Variants in ATP9B observed in about 807,000 individuals in gnomAD.
The protein encoded by ATP9B is probable phospholipid-transporting ATPase IIB.
Under a neutral mutation model 146.1 loss-of-function variants are expected in ATP9B, and 110 were observed. The observed-to-expected ratio is 0.75, with a 90% CI of 0.65 to 0.88. The LOEUF (loss-of-function observed/expected upper bound fraction) is 0.88, where lower values mean the gene tolerates loss of function less well. ATP9B is among the 40% of genes least tolerant of loss of function. The pLI is 0.00. For missense variants in ATP9B, 1,499 were observed against 1,496.4 expected, an observed-to-expected ratio of 1.00 and a Z score of -0.03; for synonymous variants, 604 against 569.7, an observed-to-expected ratio of 1.06 and a Z score of -0.86.
At chr18:79,246,792 A>C (rs2095971420) in intron 11 of ATP9B, among the ~76,000 whole-genome samples, 1 of 152,156 alleles carries the variant, frequency 6.6e-6, no homozygotes, top group South Asian at 2.1e-4. Context: ...GAGACAGATG[A>C]CTCTGAGACA....
At chr18:79,203,744 T>A (rs12968701) in intron 9 of ATP9B, among the ~76,000 whole-genome samples, 57,994 of 152,050 alleles carry the variant, frequency 0.38, 11,620 homozygotes, top group Middle Eastern at 0.57. Flanking sequence ...ATGCCAACTG[T>A]ATGCTCAATT....
At chr18:79,230,328 T>C (rs1177316679) in intron 11 of ATP9B, among the ~76,000 whole-genome samples, 1 of 152,028 alleles carries the variant, frequency 6.6e-6, no homozygotes, top group Non-Finnish European at 1.5e-5. Context: ...TAAAGACTCA[T>C]CCAAAAAGCT....
At chr18:79,273,739 A>T (rs1331971708) in intron 12 of ATP9B, among the ~76,000 whole-genome samples, 1 of 152,212 alleles carries the variant, frequency 6.6e-6, no homozygotes, top group African/African-American at 2.4e-5. Context: ...ATATTTTAGG[A>T]AAACGCACTT....
At chr18:79,234,007 A>AAG (rs1307532256) in intron 11 of ATP9B, among the ~76,000 whole-genome samples, 1 of 152,194 alleles carries the variant, frequency 6.6e-6, no homozygotes, top group East Asian at 1.9e-4. Context: ...GAGGAGGAGG[A>AAG]AGGAGGATTG....
intron 2 of ATP9B, 106 bp from the exon 3 acceptor site, chr18:79,110,249 G>A (rs1011022616): frequency 1.8e-6 from 2 of 1,113,304 alleles, no homozygotes; most frequent in African/African-American, 1.7e-5. Flanking sequence ...ATTAGTGTGT[G>A]GTGAATACAG....
chr18:79,102,455 G>A (rs985122049), intron 2 of ATP9B, among the ~76,000 whole-genome samples: 1 of 152,066 alleles, frequency 6.6e-6, no homozygotes, highest in African/African-American at 2.4e-5. Context: ...GTACATGAGC[G>A]GAGCTGTCTG....
At chr18:79,136,382 C>G (rs1186518343) in intron 5 of ATP9B, among the ~76,000 whole-genome samples, 1 of 152,046 alleles carries the variant, frequency 6.6e-6, no homozygotes, top group Non-Finnish European at 1.5e-5. Flanking sequence ...TCTCAGCTTT[C>G]AATATTTTGT....
At chr18:79,338,247 C>T (rs115352371) in intron 19 of ATP9B, among the ~76,000 whole-genome samples, 2,315 of 152,308 alleles carry the variant, frequency 0.015, 63 homozygotes, top group African/African-American at 0.053. Flanking sequence ...TGTGCCTGGC[C>T]CCTGGGCTCA....
At chr18:79,359,668 G>T in intron 26 of ATP9B, 1 of 551,494 alleles carries the variant, frequency 1.8e-6, no homozygotes. Context: ...ACATCTCAGG[G>T]AAAAAAATTT....
rs928799057 is a variant in ATP9B, at chr18:79,297,039, C to T, written c.1412-6565C>T. Among the ~76,000 whole-genome samples, 7 of 138,772 alleles carry T rather than the reference C, an allele frequency of 5.0e-5. No homozygotes were observed. The East Asian group carries it at 8.6e-4, about 17-fold the overall frequency. 91.0% of individuals were successfully genotyped at this position (138,772 alleles called of 152,430 possible). On this transcript the variant is annotated intron_variant, in intron 13 of 29. Transcript: ENST00000426216. ...AGACAGAGACGACCCAGAGAGAAGACAGAGAGATGACCCAGAGAGAAGACA... is the reference window on the plus strand; with the variant it reads ...AGACAGAGACGACCCAGAGAGAAGATAGAGAGATGACCCAGAGAGAAGACA...
At chr18:79,221,928 TA>T (rs11308061) in intron 11 of ATP9B, among the ~76,000 whole-genome samples, 40,889 of 131,360 alleles carry the variant, frequency 0.31, 6,788 homozygotes, top group African/African-American at 0.43. Context: ...TTAGCTGCTT[TA>T]AAAAAAAAAA....
In ATP9B at chr18:79,071,152, G is replaced by C. The variant is rs1369399025; in HGVS notation, c.119+1623G>C. ...TGTTGGTATAGTTTTTACAGTGCTT[G>C]CTCTGGGTATTACAATATACAAATG... On this transcript the variant is annotated intron_variant, in intron 1 of 29. Coordinates refer to ENST00000426216, the MANE Select transcript of ATP9B (RefSeq NM_198531.5). Among the ~76,000 whole-genome samples, 9 of 145,454 alleles carry C rather than the reference G, an allele frequency of 6.2e-5. No individual in the cohort carries two copies. In the Admixed American group the frequency reaches 6.3e-4, roughly 10 times the overall value.
chr18:79,305,588 GCT>G (rs1378464339), intron 14 of ATP9B, among the ~76,000 whole-genome samples: 2 of 151,766 alleles, frequency 1.3e-5, no homozygotes, highest in African/African-American at 2.4e-5. Flanking sequence ...TACCAGATGA[GCT>G]CTGCTTTTTA....
rs562900123 is a variant in ATP9B, at chr18:79,346,516, G to A, written c.2682+677G>A. On this transcript the variant is annotated intron_variant, in intron 23 of 29. Transcript: ENST00000426216. Reference sequence around the variant, plus strand: ...GCACACACTCAGCGCACCTCAGCATGTGTTCAGTGCACAGTCAGCACACAC... The same window carrying A: ...GCACACACTCAGCGCACCTCAGCATATGTTCAGTGCACAGTCAGCACACAC... Among the ~76,000 whole-genome samples the A allele has an allele frequency of 1.7e-5, 2 of 121,050 alleles. 1 individual carries two copies. The highest frequency in any genetic ancestry group is 6.3e-4 in the South Asian group (2 of 3,198). The allele number at this position is 121,050 out of a possible 152,430, so 79.4% of individuals were successfully genotyped here. A position where few individuals can be genotyped will look rare whatever the true frequency, so the allele number is the denominator to read the frequency against.
intron 12 of ATP9B, among the ~76,000 whole-genome samples, chr18:79,267,780 A>G (rs565665944): frequency 6.6e-6 from 1 of 152,196 alleles, no homozygotes; most frequent in East Asian, 1.9e-4. Context: ...TATTTAGTCC[A>G]TTTTTATAAA....
intron 17 of ATP9B, among the ~76,000 whole-genome samples, chr18:79,330,599 G>A (rs2096785092): frequency 6.6e-6 from 1 of 152,096 alleles, no homozygotes; most frequent in Non-Finnish European, 1.5e-5. Context: ...ATTTTTAGTA[G>A]AGACAGGGTT....
intron 1 of ATP9B, 38 bp downstream of exon 1, chr18:79,069,567 C>T: frequency 8.0e-7 from 1 of 1,248,178 alleles, no homozygotes; most frequent in South Asian, 2.3e-5. Flanking sequence ...CCCGCCGACG[C>T]TCCCCGGGGC....
intron 13 of ATP9B, among the ~76,000 whole-genome samples, chr18:79,303,344 A>C (rs939082748): frequency 6.6e-6 from 1 of 152,204 alleles, no homozygotes; most frequent in East Asian, 1.9e-4. Flanking sequence ...CCTGGGCAAC[A>C]GAGTGAGACC....
rs557131059 is a variant in ATP9B, at chr18:79,144,546, T to G, written c.726+686T>G. ...TGTGAGAATCTAATGCTGCTGCTGA[T>G]CTGACAGGAGGCGGAGCTCAGGAGG... On this transcript the variant is annotated intron_variant, in intron 6 of 29. Coordinates refer to ENST00000426216, the MANE Select transcript of ATP9B (RefSeq NM_198531.5). Among the ~76,000 whole-genome samples, 43 of 152,324 alleles carry G rather than the reference T, an allele frequency of 2.8e-4. 1 individual carries two copies. In the South Asian group the frequency reaches 8.7e-3, roughly 31 times the overall value.
Sources: gnomAD v4.1 joint callset for allele counts (sites outside exome capture counted in the v4.1 genomes callset) on GRCh38, gnomAD v4.1.1 for gene constraint, MANE v1.5 for transcripts, NCBI Gene and HGNC (gene_info 2026-07-23, HGNC 2026-07-21) for gene names.